PRKN: variants seen among roughly 807,000 people sequenced by gnomAD.
The protein encoded by PRKN is E3 ubiquitin-protein ligase parkin.
PRKN carries 56 observed loss-of-function variants against 59.5 expected under a neutral mutation model. That is an observed-to-expected ratio of 0.94 (90% CI 0.76 to 1.18). PRKN has a LOEUF of 1.18. PRKN is among the 50% of genes most tolerant of loss of function. The probability of loss-of-function intolerance (pLI) is 0.00; values close to 1 mark genes in which losing one functional copy is unlikely to be tolerated. For synonymous variants in PRKN, 250 were observed against 222.1 expected (o/e 1.13, Z -1.12); for missense variants, 657 against 596.4 (o/e 1.10, Z -1.06).
intron 1 of PRKN, among the ~76,000 whole-genome samples, chr6:162,685,448 A>G (rs1213062662): frequency 6.6e-6 from 1 of 152,174 alleles, no homozygotes; most frequent in Non-Finnish European, 1.5e-5. Flanking sequence ...CACATTAGAA[A>G]TATGAAAAGC....
intron 7 of PRKN, among the ~76,000 whole-genome samples, chr6:161,759,289 G>A (rs6923646): frequency 0.54 from 82,315 of 152,016 alleles, 22,322 homozygotes; most frequent in East Asian, 0.56. Flanking sequence ...TTCATGGCAC[G>A]CCTGCATCTT....
chr6:161,540,014 A>T (rs528889658), intron 9 of PRKN, among the ~76,000 whole-genome samples: 2 of 152,176 alleles, frequency 1.3e-5, no homozygotes, highest in African/African-American at 4.8e-5. Context: ...ATAGTGCTGG[A>T]AAGGGGAAGA....
chr6:162,239,967 GTAC>G (rs1778916220), intron 3 of PRKN, among the ~76,000 whole-genome samples: 1 of 152,172 alleles, frequency 6.6e-6, no homozygotes, highest in African/African-American at 2.4e-5. Flanking sequence ...AACAGCATGA[GTAC>G]TACTTCCCCA....
At position 161,440,981 on chromosome 6, in the gene PRKN, T is replaced by C. The variant is rs1464330218; in HGVS notation, c.1084-54104A>G. Among the ~76,000 whole-genome samples the C allele has an allele frequency of 2.6e-5, 4 of 152,152 alleles. No individual in the cohort carries two copies. The highest frequency in any genetic ancestry group is 4.2e-4 in the South Asian group (2 of 4,818). On this transcript the variant is annotated intron_variant, in intron 9 of 11. Transcript: ENST00000366898. The surrounding 1 kb of genome is among the most constrained non-coding windows in gnomAD (Gnocchi z 4.1). ...ATGGGATTGTTCTTGCAAAATCTCATTGGTAAAGAGAGAGAGGATTTTCCT... is the reference window on the plus strand; with the variant it reads ...ATGGGATTGTTCTTGCAAAATCTCACTGGTAAAGAGAGAGAGGATTTTCCT...
At chr6:162,487,615 A>G (rs954317498) in intron 1 of PRKN, among the ~76,000 whole-genome samples, 1 of 152,236 alleles carries the variant, frequency 6.6e-6, no homozygotes, top group African/African-American at 2.4e-5. Context: ...CTTCACTAAC[A>G]TAATAGATTT....
At chr6:161,654,501 G>A (rs1259001275) in intron 7 of PRKN, among the ~76,000 whole-genome samples, 1 of 152,188 alleles carries the variant, frequency 6.6e-6, no homozygotes, top group Non-Finnish European at 1.5e-5. Context: ...GATCAAGGAA[G>A]GGCCAGGGGC....
chr6:161,683,322 G>C (rs183954129), intron 7 of PRKN, among the ~76,000 whole-genome samples: 22 of 152,324 alleles, frequency 1.4e-4, no homozygotes, highest in Middle Eastern at 3.4e-3. Flanking sequence ...CCTGGGAAAA[G>C]AGGACTGGAG....
intron 1 of PRKN, among the ~76,000 whole-genome samples, chr6:162,627,514 T>C (rs1782942768): frequency 6.6e-6 from 1 of 152,108 alleles, no homozygotes; most frequent in Non-Finnish European, 1.5e-5. Context: ...TCAATTTCTT[T>C]TTCTTTATTT....
intron 7 of PRKN, among the ~76,000 whole-genome samples, chr6:161,717,685 A>G (rs1214190595): frequency 3.3e-5 from 5 of 152,208 alleles, no homozygotes; most frequent in Admixed American, 3.3e-4. Flanking sequence ...ATAACATCTC[A>G]CATTTGAATT....
chr6:162,196,314 G>T (rs1346444911), intron 4 of PRKN, among the ~76,000 whole-genome samples: 1 of 152,124 alleles, frequency 6.6e-6, no homozygotes. Context: ...GATAAAGTTT[G>T]TTGATATAAA....
At chr6:161,742,388 G>A (rs149358239) in intron 7 of PRKN, among the ~76,000 whole-genome samples, 474 of 152,252 alleles carry the variant, frequency 3.1e-3, no homozygotes, top group African/African-American at 0.011. Context: ...CATGTGGAAC[G>A]GTGAGTCAAT....
intron 1 of PRKN, among the ~76,000 whole-genome samples, chr6:162,655,216 A>G (rs1351444003): frequency 6.6e-6 from 1 of 152,192 alleles, no homozygotes; most frequent in East Asian, 1.9e-4. Flanking sequence ...TTTGTATTGA[A>G]TAAAACCCTG....
intron 6 of PRKN, among the ~76,000 whole-genome samples, chr6:161,889,677 T>C (rs1254692369): frequency 6.6e-6 from 1 of 152,146 alleles, no homozygotes; most frequent in African/African-American, 2.4e-5. Flanking sequence ...GTGTTAACAT[T>C]CAAGTGTACA....
chr6:162,621,274 AAAGT>A (rs1429828249), intron 1 of PRKN, among the ~76,000 whole-genome samples: 2 of 152,156 alleles, frequency 1.3e-5, no homozygotes, highest in Non-Finnish European at 2.9e-5. Context: ...GTACTAAAGG[AAAGT>A]AAGTAGCGAC....
intron 7 of PRKN, among the ~76,000 whole-genome samples, chr6:161,760,624 C>G (rs928290021): frequency 3.3e-5 from 5 of 152,044 alleles, no homozygotes; most frequent in African/African-American, 1.2e-4. Context: ...TCCTTTTCAC[C>G]TAATAAAACC....
At chr6:161,611,231 G>A (rs978172154) in intron 7 of PRKN, among the ~76,000 whole-genome samples, 7 of 152,194 alleles carry the variant, frequency 4.6e-5, no homozygotes, top group African/African-American at 9.7e-5. Flanking sequence ...GTCTATGTGC[G>A]TATATGCAGG....
At chr6:161,394,776 T>C (rs1786676826) in intron 9 of PRKN, among the ~76,000 whole-genome samples, 1 of 152,136 alleles carries the variant, frequency 6.6e-6, no homozygotes, top group South Asian at 2.1e-4. Context: ...CCTCAGCACC[T>C]CACATTAAAA....
At chr6:162,345,348 T>C (rs1239589512) in intron 2 of PRKN, among the ~76,000 whole-genome samples, 2 of 152,186 alleles carry the variant, frequency 1.3e-5, no homozygotes, top group Non-Finnish European at 2.9e-5. Flanking sequence ...TCATGTACTC[T>C]TGAGTGCAGG....
rs35609309 is a variant in PRKN, at chr6:162,284,215, C to CTTT, written c.172-21453_172-21451dup. The stretch of plus-strand genomic sequence containing the variant: ...TATTTATGTATTGTGTTATTTCTTT[C>CTTT]TTTTTTTTTTTTTTTTTTTTTTTTT... On this transcript the variant is annotated intron_variant, in intron 2 of 11. Coordinates refer to ENST00000366898, the MANE Select transcript of PRKN (RefSeq NM_004562.3). Among the ~76,000 whole-genome samples the CTTT allele has an allele frequency of 1.1e-3, 87 of 75,672 alleles. 4 individuals are homozygous for CTTT. The highest frequency in any genetic ancestry group is 1.5e-3 in the Admixed American group (8 of 5,164). 49.6% of individuals were successfully genotyped at this position (75,672 alleles called of 152,430 possible).
Sources: allele counts gnomAD v4.1 joint callset (sites outside exome capture counted in the v4.1 genomes callset), GRCh38; gene constraint gnomAD v4.1.1; non-coding constraint Gnocchi (gnomAD v3.1); transcripts MANE v1.5; gene names NCBI Gene and HGNC (gene_info 2026-07-23, HGNC 2026-07-21).